Variants in TAB2 observed in about 807,000 individuals in gnomAD.
TAB2 encodes the protein TGF-beta-activated kinase 1 and MAP3K7-binding protein 2.
A neutral mutation model predicts 65.0 loss-of-function variants in TAB2; 3 were observed. The observed-to-expected ratio is 0.05, with a 90% CI of 0.02 to 0.12. The LOEUF is 0.12. Among genes scored for constraint, TAB2 ranks in the 10% least tolerant of loss-of-function variants. TAB2 has a pLI of 1.00. For synonymous variants in TAB2, 298 were observed against 285.1 expected, an observed-to-expected ratio of 1.05 and a Z score of -0.46; for missense variants, 623 against 840.3, an observed-to-expected ratio of 0.74 and a Z score of 3.20.
chr6:149,319,103 A>G (rs775444347), intron 1 of TAB2, among the ~76,000 whole-genome samples: 2 of 152,222 alleles, frequency 1.3e-5, no homozygotes, highest in African/African-American at 4.8e-5. Flanking sequence ...AAGTTTGTAA[A>G]GTGTCTAATT....
At chr6:149,357,698 CT>C (rs983813209) in intron 1 of TAB2, among the ~76,000 whole-genome samples, 5 of 149,848 alleles carry the variant, frequency 3.3e-5, no homozygotes, top group Admixed American at 2.7e-4. Flanking sequence ...TCTTATGTAT[CT>C]TTTTTTTTCT....
At chr6:149,403,234 T>TAAAA (rs745966790) in intron 6 of TAB2, among the ~76,000 whole-genome samples, 1 of 66,088 alleles carries the variant, frequency 1.5e-5, no homozygotes, top group Non-Finnish European at 2.5e-5. Context: ...AACTCTTGTC[T>TAAAA]AAAAAAAAAA....
At chr6:149,366,506 G>GATAA (rs923104148) in intron 1 of TAB2, among the ~76,000 whole-genome samples, 4 of 152,076 alleles carry the variant, frequency 2.6e-5, no homozygotes, top group African/African-American at 9.7e-5. Flanking sequence ...TAAGACTGCA[G>GATAA]GTTTTTTATC....
chr6:149,264,256 C>T (rs959476751), intron 1 of TAB2, among the ~76,000 whole-genome samples: 21 of 152,264 alleles, frequency 1.4e-4, no homozygotes, highest in African/African-American at 5.1e-4. Context: ...GCAATGTCTT[C>T]CCATTCCCTA....
intron 1 of TAB2, chr6:149,318,879 G>C (rs370501978): frequency 1.3e-5 from 2 of 152,204 alleles, no homozygotes; most frequent in East Asian, 3.8e-4. Context: ...AATTGTTGTG[G>C]ATAAATTCTT....
chr6:149,384,104 G>T (rs997925861), intron 3 of TAB2, among the ~76,000 whole-genome samples: 1 of 152,114 alleles, frequency 6.6e-6, no homozygotes, highest in Non-Finnish European at 1.5e-5. Context: ...TCGGTCTTCT[G>T]CAGTGAAATT....
At chr6:149,235,607 G>A (rs1777480953) in intron 1 of TAB2, among the ~76,000 whole-genome samples, 1 of 152,178 alleles carries the variant, frequency 6.6e-6, no homozygotes, top group Non-Finnish European at 1.5e-5. Context: ...CTAGGCCGAG[G>A]AACCAGACTG....
At chr6:149,359,830 GT>G (rs1173569010) in intron 1 of TAB2, among the ~76,000 whole-genome samples, 3 of 152,078 alleles carry the variant, frequency 2.0e-5, no homozygotes, top group Non-Finnish European at 4.4e-5. Flanking sequence ...ATTATTTCTG[GT>G]TTTTCATAAC....
At chr6:149,315,888 T>A (rs887367836), upstream of TAB2, among the ~76,000 whole-genome samples, 30 of 152,172 alleles carry the variant, frequency 2.0e-4, no homozygotes, top group Middle Eastern at 3.2e-3. Context: ...CTATAATCTA[T>A]AAAGCATTAT....
At chr6:149,290,170 C>T (rs1778750734) in intron 1 of TAB2, among the ~76,000 whole-genome samples, 1 of 152,158 alleles carries the variant, frequency 6.6e-6, no homozygotes, top group African/African-American at 2.4e-5. Flanking sequence ...GCATGTCCAA[C>T]TTCCACTTCC....
intron 1 of TAB2, among the ~76,000 whole-genome samples, chr6:149,306,176 CA>C (rs1284687079): frequency 6.6e-6 from 1 of 151,858 alleles, no homozygotes. Context: ...GAGGCCAAGG[CA>C]GGAGAGTCAC....
intron 3 of TAB2, among the ~76,000 whole-genome samples, chr6:149,386,210 C>T (rs995494494): frequency 1.3e-5 from 2 of 152,180 alleles, no homozygotes; most frequent in Admixed American, 6.5e-5. Context: ...TAAATGAGAA[C>T]AGTACACTTT....
In TAB2 at chr6:149,227,906, G is replaced by GT. The variant is rs536856014; in HGVS notation, c.-121+9136dup. Among the ~76,000 whole-genome samples the GT allele has an allele frequency of 2.0e-5, 3 of 152,114 alleles. No individual in the cohort carries two copies. In the South Asian group the frequency reaches 6.2e-4, roughly 32 times the overall value. Reference sequence around the variant, plus strand: ...TGTTTGAAACTCTTCATAATAAAATGTTTTTTAAAAAATCTGCTAACATAG... The same window carrying GT: ...TGTTTGAAACTCTTCATAATAAAATGTTTTTTTAAAAAATCTGCTAACATAG... On this transcript the variant is annotated intron_variant, in intron 1 of 1. Coordinates refer to the TAB2 transcript ENST00000606202.
At chr6:149,349,973 C>T (rs962600932) in intron 1 of TAB2, among the ~76,000 whole-genome samples, 12 of 152,050 alleles carry the variant, frequency 7.9e-5, no homozygotes, top group Non-Finnish European at 1.3e-4. Context: ...ACTCTGTCGC[C>T]GAGGCAAGAG....
chr6:149,401,219 A>G (rs1562454802), intron 6 of TAB2: 1 of 167,050 alleles, frequency 6.0e-6, no homozygotes, highest in East Asian at 1.9e-4. Context: ...AAAGAATCCT[A>G]GAAAGTTTTT....
intron 1 of TAB2, among the ~76,000 whole-genome samples, chr6:149,266,873 C>T (rs1382537723): frequency 1.3e-5 from 2 of 152,030 alleles, no homozygotes; most frequent in Non-Finnish European, 2.9e-5. Flanking sequence ...CAGGGAGAAA[C>T]GAACATAAAG....
intron 5 of TAB2, 45 bp downstream of exon 5, chr6:149,398,107 C>A: frequency 1.3e-6 from 2 of 1,529,470 alleles, no homozygotes; most frequent in East Asian, 2.3e-5. Flanking sequence ...GTATTTAATT[C>A]ACCAGCAGTT....
intron 1 of TAB2, among the ~76,000 whole-genome samples, chr6:149,290,347 T>C (rs554425810): frequency 3.3e-4 from 50 of 152,310 alleles, no homozygotes; most frequent in African/African-American, 1.1e-3. Context: ...AGAGGATGCA[T>C]ACCTAACCAC....
intron 3 of TAB2, among the ~76,000 whole-genome samples, chr6:149,393,934 G>A (rs1402157020): frequency 1.1e-4 from 17 of 151,934 alleles, no homozygotes; most frequent in Non-Finnish European, 7.4e-5. Flanking sequence ...GATGTGTCTA[G>A]GTGTTTTGTT....
Sources: gnomAD v4.1 joint callset for allele counts (sites outside exome capture counted in the v4.1 genomes callset) on GRCh38, gnomAD v4.1.1 for gene constraint, MANE v1.5 for transcripts, NCBI Gene and HGNC (gene_info 2026-07-23, HGNC 2026-07-21) for gene names.